The following HECW2 variants were observed in gnomAD, a reference collection of about 807,000 sequenced individuals.
The protein encoded by HECW2 is E3 ubiquitin-protein ligase HECW2.
HECW2 carries 61 observed loss-of-function variants against 175.2 expected under a neutral mutation model. That is an observed-to-expected ratio of 0.35 (90% CI 0.28 to 0.43). The LOEUF (loss-of-function observed/expected upper bound fraction) is 0.43, where lower values mean the gene tolerates loss of function less well. HECW2 is among the 20% of genes least tolerant of loss of function. The pLI is 1.00. For synonymous variants in HECW2, 671 were observed against 731.0 expected (o/e 0.92, Z 1.32); for missense variants, 1,524 against 2,000.5 (o/e 0.76, Z 4.54).
At position 196,433,377 on chromosome 2, in the gene HECW2, T is replaced by A. The variant is rs759401804; in HGVS notation, c.47A>T (p.Asn16Ile). Residue 16 changes from asparagine to isoleucine, a missense_variant, in exon 2 of 29, where the codon AAT (asparagine) becomes ATT (isoleucine). Asn to Ile is a moderately radical substitution (Grantham distance 149). This residue lies in a region of HECW2 where 135 missense variants were observed against 214.6 expected (regional missense o/e 0.63). Transcript: ENST00000644978. ...GCTCAATGTGTACCGCATCTGGGGA[T>A]TTCGACGCCTCACAAAAAGCAGGTG... ...REHLLFVRRR[N>I]PQMRYTLSPE... 1.9e-6 allele frequency: 3 copies of A among 1,614,042 alleles called. No homozygotes were observed. The highest frequency in any genetic ancestry group is 1.3e-5 in the African/African-American group (1 of 75,018).
chr2:196,583,406 GTTTC>G (rs1230535119), intron 1 of HECW2, among the ~76,000 whole-genome samples: 1 of 152,178 alleles, frequency 6.6e-6, no homozygotes, highest in East Asian at 1.9e-4. Flanking sequence ...TTAAAATGAT[GTTTC>G]TCAAACTTTA....
At chr2:196,464,837 C>T (rs1696886473) in intron 1 of HECW2, among the ~76,000 whole-genome samples, 1 of 152,048 alleles carries the variant, frequency 6.6e-6, no homozygotes, top group Admixed American at 6.5e-5. Context: ...GTCAGGAGTT[C>T]GAGACCAGCC....
intron 1 of HECW2, among the ~76,000 whole-genome samples, chr2:196,470,797 A>AT (rs1697165489): frequency 6.6e-6 from 1 of 152,288 alleles, no homozygotes; most frequent in Non-Finnish European, 1.5e-5. Context: ...AAAAGACAAC[A>AT]TTTTTTAAAA....
chr2:196,267,803 C>T (rs1689572656), intron 17 of HECW2, among the ~76,000 whole-genome samples: 1 of 152,094 alleles, frequency 6.6e-6, no homozygotes, highest in Admixed American at 6.6e-5. Context: ...AAGAGGTATA[C>T]CTACTTCAAT....
intron 13 of HECW2, among the ~76,000 whole-genome samples, chr2:196,295,210 C>T (rs1690762156): frequency 6.6e-6 from 1 of 152,102 alleles, no homozygotes; most frequent in Non-Finnish European, 1.5e-5. Context: ...TATGCATGGG[C>T]TCTGGGCAAT....
At chr2:196,348,902 C>T (rs553113453) in intron 2 of HECW2, among the ~76,000 whole-genome samples, 1 of 152,296 alleles carries the variant, frequency 6.6e-6, no homozygotes, top group South Asian at 2.1e-4. Flanking sequence ...CACTGGAACT[C>T]TGTGTGAACT....
rs1487507087 is a variant in HECW2, at chr2:196,329,566, C to T, written c.571+9G>A. 1.2e-6 allele frequency: 2 copies of T among 1,608,820 alleles called. No homozygotes were observed. The highest frequency in any genetic ancestry group is 1.7e-6 in the Non-Finnish European group (2 of 1,175,238). ...TCAAACTGGATGTCACGTTTAAAGA[C>T]ATTCTTACCTGACAATGTAAAGCTA... On this transcript the variant is annotated intron_variant, in intron 5 of 28. Transcript: ENST00000644978.
intron 2 of HECW2, among the ~76,000 whole-genome samples, chr2:196,417,508 G>A (rs1388049130): frequency 6.6e-6 from 1 of 152,106 alleles, no homozygotes; most frequent in Non-Finnish European, 1.5e-5. Context: ...TCAAACTTCT[G>A]GGCTCAAGTG....
Position 196,360,015 on chromosome 2 carries a change from G to A in HECW2, c.293-16251C>T, listed in dbSNP as rs7576272. Among the ~76,000 whole-genome samples, 575 of 152,242 alleles carry A rather than the reference G, an allele frequency of 3.8e-3. 5 individuals carry two copies. Among genetic ancestry groups the A allele is most frequent in the African/African-American group, 0.013 (543 of 41,524 alleles). On this transcript the variant is annotated intron_variant, in intron 2 of 28. Coordinates refer to ENST00000644978, the MANE Select transcript of HECW2 (RefSeq NM_001348768.2). ...GCTACTCAGGATGCTGAGGCAGGAG[G>A]ATTGCTTGAGCCCCAGGAATTCCAG...
At chr2:196,204,831 TA>T (rs1350535535) in intron 28 of HECW2, among the ~76,000 whole-genome samples, 11 of 152,190 alleles carry the variant, frequency 7.2e-5, no homozygotes, top group African/African-American at 2.4e-4. Context: ...GAAACAAAGC[TA>T]GGGGTTGGCA....
At chr2:196,386,753 A>T (rs987260843) in intron 2 of HECW2, among the ~76,000 whole-genome samples, 1 of 151,502 alleles carries the variant, frequency 6.6e-6, no homozygotes, top group African/African-American at 2.4e-5. Context: ...TAGTATCATT[A>T]AATGTACAAA....
intron 1 of HECW2, among the ~76,000 whole-genome samples, chr2:196,445,887 C>A (rs1022614117): frequency 6.6e-6 from 1 of 152,202 alleles, no homozygotes; most frequent in Non-Finnish European, 1.5e-5. Flanking sequence ...TTCACTCTAT[C>A]CAGCCACCAT....
At chr2:196,301,627 A>G (rs115133953) in intron 13 of HECW2, among the ~76,000 whole-genome samples, 10,662 of 152,004 alleles carry the variant, frequency 0.07, 430 homozygotes, top group East Asian at 0.13. Flanking sequence ...TATAATGACC[A>G]GTAATGTTGA....
At position 196,317,695 on chromosome 2, in the gene HECW2, T is replaced by TA. The variant is rs5837501; in HGVS notation, c.2339-327dup. On this transcript the variant is annotated intron_variant, in intron 9 of 28. Coordinates refer to ENST00000644978, the MANE Select transcript of HECW2 (RefSeq NM_001348768.2). The stretch of plus-strand genomic sequence containing the variant: ...ACAATATAATGAAGGAAACAAAATT[T>TA]AAAAAAAAAAAGGAGGAGGAAGAAA... 5.1e-4 allele frequency among the ~76,000 whole-genome samples: 74 copies of TA among 145,274 alleles called. 1 individual carries two copies. Among genetic ancestry groups the TA allele is most frequent in the Admixed American group, 1.8e-3 (26 of 14,634 alleles).
intron 2 of HECW2, among the ~76,000 whole-genome samples, chr2:196,381,306 T>G (rs1369972136): frequency 6.6e-6 from 1 of 152,220 alleles, no homozygotes; most frequent in Admixed American, 6.5e-5. Flanking sequence ...AAATTCAGCA[T>G]GTCCTACTAA....
chr2:196,348,621 C>A (rs1234975967), intron 2 of HECW2, among the ~76,000 whole-genome samples: 1 of 151,844 alleles, frequency 6.6e-6, no homozygotes, highest in Non-Finnish European at 1.5e-5. Flanking sequence ...GCACTGTAGC[C>A]CAGATGACAG....
At chr2:196,470,341 A>G (rs929311116) in intron 1 of HECW2, among the ~76,000 whole-genome samples, 1 of 152,168 alleles carries the variant, frequency 6.6e-6, no homozygotes, top group Non-Finnish European at 1.5e-5. Flanking sequence ...AAATATATTA[A>G]GTAAATAAAT....
At chr2:196,328,181 T>C (rs1692226102) in intron 5 of HECW2, among the ~76,000 whole-genome samples, 1 of 152,120 alleles carries the variant, frequency 6.6e-6, no homozygotes, top group South Asian at 2.1e-4. Context: ...CACCAGGGAT[T>C]TTAGTAGCTT....
chr2:196,203,969 G>A (rs1028863807), intron 28 of HECW2, among the ~76,000 whole-genome samples: 2 of 152,050 alleles, frequency 1.3e-5, no homozygotes, highest in Admixed American at 6.5e-5. Flanking sequence ...TAAAATATTT[G>A]TCTTTTGTGA....
Sources: gnomAD v4.1 joint callset for allele counts (sites outside exome capture counted in the v4.1 genomes callset) on GRCh38, gnomAD v4.1.1 for gene constraint, gnomAD v4.1.1 regional missense constraint, MANE v1.5 for transcripts, NCBI Gene and HGNC (gene_info 2026-07-23, HGNC 2026-07-21) for gene names.